PLAA: variants seen among roughly 807,000 people sequenced by gnomAD.
The protein encoded by PLAA is phospholipase A-2-activating protein.
A neutral mutation model predicts 84.1 loss-of-function variants in PLAA; 48 were observed. The ratio of observed to expected loss-of-function variants is 0.57; its 90% CI spans 0.45 to 0.73. The LOEUF is 0.73. Ranked by LOEUF, PLAA falls within the 30% of genes least tolerant of loss-of-function variation. The pLI is 0.00. For missense variants in PLAA, 903 were observed against 954.7 expected, an observed-to-expected ratio of 0.95 and a Z score of 0.71; for synonymous variants, 392 against 336.6, an observed-to-expected ratio of 1.16 and a Z score of -1.80.
At chr9:26,915,634 T>A in intron 10 of PLAA, 3 of 888,066 alleles carry the variant, frequency 3.4e-6, no homozygotes, top group Non-Finnish European at 2.7e-6. Flanking sequence ...ATATGGTAGA[T>A]GCTGTTATAT....
chr9:26,920,462 C>A, intron 7 of PLAA, 78 bp from the exon 8 acceptor site: 1 of 913,468 alleles, frequency 1.1e-6, no homozygotes, highest in East Asian at 2.6e-5. Context: ...AAATTCTTAA[C>A]ATTAAAATTT....
In PLAA at chr9:26,906,038, T is replaced by C; in HGVS notation, c.1861A>G (p.Ile621Val). The change falls in exon 14 of 14, where the codon ATT (isoleucine) becomes GTT (valine). Residue 621 changes from isoleucine (I) to valine (V), a missense_variant. By Grantham distance (29) the Ile-to-Val change is conservative. Transcript: ENST00000397292. ...TTCTCATTCACACTGGGGTGTTTAA[T>C]TGACAACCGAAGAATGTCAAGTGCA... ...FPALDILRLSIKHPSVNENFC... is the reference protein window; with the variant it reads ...FPALDILRLSVKHPSVNENFC... 3.8e-6 allele frequency: 6 copies of C among 1,587,916 alleles called. No individual in the cohort carries two copies. Among genetic ancestry groups the C allele is most frequent in the South Asian group, 1.1e-5 (1 of 87,652 alleles).
chr9:26,918,476 T>C (rs1343950843), intron 9 of PLAA, among the ~76,000 whole-genome samples: 1 of 152,026 alleles, frequency 6.6e-6, no homozygotes, highest in East Asian at 1.9e-4. Context: ...TTTTATTTTA[T>C]GAATGGGCAA....
At chr9:26,942,745 C>G (rs985132127) in intron 1 of PLAA, among the ~76,000 whole-genome samples, 2 of 151,784 alleles carry the variant, frequency 1.3e-5, no homozygotes, top group Non-Finnish European at 2.9e-5. Context: ...AGCCGGGCGC[C>G]GTGGCGGGCG....
At chr9:26,927,722 T>C (rs756974558) in intron 4 of PLAA, among the ~76,000 whole-genome samples, 1 of 152,196 alleles carries the variant, frequency 6.6e-6, no homozygotes, top group Non-Finnish European at 1.5e-5. Flanking sequence ...ATTTCTTCCA[T>C]ATATGAAGAT....
chr9:26,923,100 C>T lies in PLAA; in HGVS notation c.1039+78G>A, dbSNP rs998457540. 5 of 1,056,578 alleles carry T rather than the reference C, an allele frequency of 4.7e-6. No individual in the cohort carries two copies. In the African/African-American group the frequency reaches 4.8e-5, roughly 10 times the overall value. The allele number at this position is 1,056,578 out of a possible 1,614,324, so 65.5% of individuals were successfully genotyped here. The stretch of plus-strand genomic sequence containing the variant: ...CTAGCAATGAAAAACACAAGCAAAA[C>T]AACATTTATTTTTCTTCTAATTGTT... On this transcript the variant is annotated intron_variant, in intron 7 of 13. Coordinates refer to ENST00000397292, the MANE Select transcript of PLAA (RefSeq NM_001031689.3).
intron 10 of PLAA, 31 bp downstream of exon 10, chr9:26,917,066 G>C: frequency 6.4e-7 from 1 of 1,572,198 alleles, no homozygotes; most frequent in East Asian, 2.2e-5. Flanking sequence ...ATTTAGTGAA[G>C]AAAGATACAT....
intron 12 of PLAA, among the ~76,000 whole-genome samples, chr9:26,908,475 T>C (rs989854904): frequency 5.4e-5 from 8 of 148,750 alleles, no homozygotes; most frequent in African/African-American, 2.0e-4. Flanking sequence ...CTTATTATTA[T>C]TATTTTGAGA....
intron 2 of PLAA, among the ~76,000 whole-genome samples, chr9:26,931,040 CTG>C (rs914200415): frequency 6.6e-6 from 1 of 151,114 alleles, no homozygotes; most frequent in African/African-American, 2.4e-5. Flanking sequence ...AGTGTACAAA[CTG>C]AACCTAGAAC....
chr9:26,926,917 A>G (rs1824987759), intron 4 of PLAA, among the ~76,000 whole-genome samples: 1 of 151,770 alleles, frequency 6.6e-6, no homozygotes, highest in African/African-American at 2.4e-5. Flanking sequence ...AAAGAAATAT[A>G]TAACAAAGAG....
intron 10 of PLAA, chr9:26,916,649 G>GC (rs1824571704): frequency 1.0e-6 from 1 of 989,728 alleles, no homozygotes; most frequent in African/African-American, 1.7e-5. Flanking sequence ...GTGATTGGTA[G>GC]CATCTCGCCA....
rs1371536462 is a variant in PLAA, at chr9:26,906,029, GGTGTTTAATTGACAACCGAAGAAT to G, written c.1846_1869del (p.Ile616_His623del). On this transcript the variant is annotated inframe_deletion, in exon 14 of 14. Coordinates refer to ENST00000397292, the MANE Select transcript of PLAA (RefSeq NM_001031689.3). ...TTGCAGAAGTTCTCATTCACACTGG[GGTGTTTAATTGACAACCGAAGAAT>G]GTCAAGTGCAGGAAAGACAATATCT... 1 of 1,598,574 alleles carries G rather than the reference GGTGTTTAATTGACAACCGAAGAAT, an allele frequency of 6.3e-7. No individual in the cohort carries two copies. The highest frequency in any genetic ancestry group is 8.5e-7 in the Non-Finnish European group (1 of 1,170,924).
intron 1 of PLAA, among the ~76,000 whole-genome samples, chr9:26,937,203 G>C (rs943414884): frequency 6.6e-6 from 1 of 152,048 alleles, no homozygotes. Context: ...CCTCTTCTGG[G>C]AGCAAGATAA....
chr9:26,935,583 A>G (rs1437445585), intron 1 of PLAA, among the ~76,000 whole-genome samples: 1 of 152,128 alleles, frequency 6.6e-6, no homozygotes, highest in Non-Finnish European at 1.5e-5. Context: ...AAGATAATGA[A>G]ATTTATTATT....
At chr9:26,915,205 T>C (rs988453519) in intron 10 of PLAA, among the ~76,000 whole-genome samples, 8 of 144,342 alleles carry the variant, frequency 5.5e-5, no homozygotes, top group Admixed American at 1.4e-4. Flanking sequence ...AGAACAAAAC[T>C]CTGACTCGAA....
rs914752255 is a variant in PLAA at position 26,904,252 on chromosome 9, G to T, written c.*1259C>A. The stretch of plus-strand genomic sequence containing the variant: ...AGGCTATAATTTGGCATTAAGCCAG[G>T]GGATTCATGGTTTTTACACCACGAG... On this transcript the variant is annotated 3_prime_UTR_variant, in exon 14 of 14. Coordinates refer to ENST00000397292, the MANE Select transcript of PLAA (RefSeq NM_001031689.3). The T allele has an allele frequency of 2.0e-5, 3 of 152,148 alleles. No individual in the cohort carries two copies. Among genetic ancestry groups the T allele is most frequent in the African/African-American group, 7.2e-5 (3 of 41,428 alleles). 9.4% of individuals were successfully genotyped at this position (152,148 alleles called of 1,614,324 possible). A position where few individuals can be genotyped will look rare whatever the true frequency, so the allele number is the denominator to read the frequency against.
At chr9:26,906,101 T>C in intron 13 of PLAA, 25 bp from the exon 14 acceptor site, 1 of 1,360,272 alleles carries the variant, frequency 7.4e-7, no homozygotes, top group East Asian at 2.5e-5. Context: ...AAGTCATTAA[T>C]GCTTATGAAA....
At chr9:26,933,066 G>A (rs967163840) in intron 2 of PLAA, among the ~76,000 whole-genome samples, 1 of 151,678 alleles carries the variant, frequency 6.6e-6, no homozygotes, top group Non-Finnish European at 1.5e-5. Flanking sequence ...TCAAGAGATC[G>A]ACACCATCCT....
chr9:26,907,287 T>G (rs1490913287), intron 13 of PLAA, among the ~76,000 whole-genome samples: 2 of 151,900 alleles, frequency 1.3e-5, no homozygotes. Context: ...ACGCCTGTAA[T>G]CCCAGGCTGA....
Sources: gnomAD v4.1 joint callset for allele counts (sites outside exome capture counted in the v4.1 genomes callset) on GRCh38, gnomAD v4.1.1 for gene constraint, MANE v1.5 for transcripts, NCBI Gene and HGNC (gene_info 2026-07-23, HGNC 2026-07-21) for gene names.